SLC22A4: variants seen among roughly 807,000 people sequenced by gnomAD.
SLC22A4 encodes the protein solute carrier family 22 member 4.
Under a neutral mutation model 56.6 loss-of-function variants are expected in SLC22A4, and 39 were observed. The observed-to-expected ratio is 0.69, with a 90% CI of 0.53 to 0.90. The LOEUF (loss-of-function observed/expected upper bound fraction) is 0.90. SLC22A4 is among the 40% of genes least tolerant of loss of function. The pLI is 0.00. For synonymous variants in SLC22A4, 241 were observed against 281.4 expected (o/e 0.86, Z 1.44); for missense variants, 594 against 696.5 (o/e 0.85, Z 1.66).
chr5:132,308,625 T>A (rs1225008853), intron 1 of SLC22A4, among the ~76,000 whole-genome samples: 1 of 152,024 alleles, frequency 6.6e-6, no homozygotes, highest in East Asian at 1.9e-4. Context: ...CATCCTTCTA[T>A]GCCAAGAGTG....
chr5:132,320,405 G>A (rs953043273), intron 3 of SLC22A4, among the ~76,000 whole-genome samples: 7 of 152,180 alleles, frequency 4.6e-5, no homozygotes, highest in Non-Finnish European at 8.8e-5. Context: ...TCACGGCCAA[G>A]GGGTTTAGAA....
intron 4 of SLC22A4, among the ~76,000 whole-genome samples, chr5:132,322,589 C>T (rs1173342171): frequency 6.6e-6 from 1 of 152,198 alleles, no homozygotes; most frequent in South Asian, 2.1e-4. Context: ...TTCCTTGATA[C>T]CAGCCACTCC....
At chr5:132,306,392 T>A (rs1316513703) in intron 1 of SLC22A4, among the ~76,000 whole-genome samples, 2 of 8,698 alleles carry the variant, frequency 2.3e-4, no homozygotes, top group African/African-American at 1.4e-3. Flanking sequence ...GAAATATATA[T>A]ATATATATAT....
At chr5:132,333,623 T>C (rs1750928258) in intron 6 of SLC22A4, among the ~76,000 whole-genome samples, 1 of 152,190 alleles carries the variant, frequency 6.6e-6, no homozygotes, top group Non-Finnish European at 1.5e-5. Flanking sequence ...GAATTTGCCC[T>C]GCAGGGAGTG....
At chr5:132,323,579 C>T (rs765905180) in intron 4 of SLC22A4, among the ~76,000 whole-genome samples, 2 of 152,154 alleles carry the variant, frequency 1.3e-5, no homozygotes, top group African/African-American at 4.8e-5. Context: ...GTCTGAGGAC[C>T]GGGAAACCCG....
At chr5:132,316,233 T>C (rs1750352569) in intron 3 of SLC22A4, among the ~76,000 whole-genome samples, 1 of 152,192 alleles carries the variant, frequency 6.6e-6, no homozygotes, top group Non-Finnish European at 1.5e-5. Context: ...TGTTTTGTGC[T>C]GCTTTTAAAA....
chr5:132,294,644 T>C lies in SLC22A4; in HGVS notation c.28T>C (p.Phe10Leu), dbSNP rs756693505. The change falls in exon 1 of 10, where the codon TTC becomes CTC. Residue 10 changes from phenylalanine to leucine, a missense_variant. By Grantham distance (22) the Phe-to-Leu change is conservative. Coordinates refer to ENST00000200652, the MANE Select transcript of SLC22A4 (RefSeq NM_003059.3). The surrounding 1 kb of genome is among the most constrained non-coding windows in gnomAD (Gnocchi z 5.6). MRDYDEVIA[F>L]LGEWGPFQRL... ...GCGGGACTACGACGAGGTGATCGCCTTCCTGGGCGAGTGGGGGCCCTTCCA... is the reference window on the plus strand; with the variant it reads ...GCGGGACTACGACGAGGTGATCGCCCTCCTGGGCGAGTGGGGGCCCTTCCA... 6 of 1,614,182 alleles carry C rather than the reference T, an allele frequency of 3.7e-6. No individual in the cohort carries two copies. The highest frequency in any genetic ancestry group is 4.2e-6 in the Non-Finnish European group (5 of 1,180,042).
chr5:132,325,849 C>T (rs138767534), intron 4 of SLC22A4, among the ~76,000 whole-genome samples: 262 of 152,288 alleles, frequency 1.7e-3, no homozygotes, highest in African/African-American at 6.1e-3. Flanking sequence ...GGGCAGAAGA[C>T]GCTTTCCATA....
At chr5:132,318,158 A>G (rs1156489159) in intron 3 of SLC22A4, among the ~76,000 whole-genome samples, 2 of 152,218 alleles carry the variant, frequency 1.3e-5, no homozygotes, top group African/African-American at 4.8e-5. Context: ...GCAGGGGAAC[A>G]TCTGTTAAGC....
chr5:132,317,866 C>A (rs1214006927), intron 3 of SLC22A4, among the ~76,000 whole-genome samples: 1 of 152,198 alleles, frequency 6.6e-6, no homozygotes, highest in Admixed American at 6.5e-5. Flanking sequence ...GATGAGCTGG[C>A]ATATAAATAC....
At chr5:132,331,428 G>A (rs1750856823) in intron 5 of SLC22A4, among the ~76,000 whole-genome samples, 1 of 152,194 alleles carries the variant, frequency 6.6e-6, no homozygotes, top group African/African-American at 2.4e-5. Flanking sequence ...GCAGTCCTGA[G>A]GATCACAGAT....
chr5:132,301,455 G>C (rs781039736), intron 1 of SLC22A4, among the ~76,000 whole-genome samples: 1 of 152,236 alleles, frequency 6.6e-6, no homozygotes, highest in Non-Finnish European at 1.5e-5. Context: ...TGGAGCTGCT[G>C]GTAGCCCACT....
At chr5:132,306,652 C>T (rs879464624) in intron 1 of SLC22A4, among the ~76,000 whole-genome samples, 1 of 151,284 alleles carries the variant, frequency 6.6e-6, no homozygotes, top group Non-Finnish European at 1.5e-5. Context: ...CACCATGTTA[C>T]CCAGGCTGGT....
rs939172355 is a variant in SLC22A4 at position 132,331,739 on chromosome 5, C to T, written c.952-17C>T. ...TACCTCTTAATCTCATGGTTATTTG[C>T]ATTATTTTGGTTACAGGAGCTAAAT... On this transcript the variant is annotated splice_polypyrimidine_tract_variant and intron_variant, in intron 5 of 9. Coordinates refer to ENST00000200652, the MANE Select transcript of SLC22A4 (RefSeq NM_003059.3). 6.4e-7 allele frequency: 1 copy of T among 1,564,426 alleles called. No homozygotes were observed. The highest frequency in any genetic ancestry group is 1.1e-5 in the South Asian group (1 of 90,076).
chr5:132,336,630 T>C (rs1751034578), intron 8 of SLC22A4, among the ~76,000 whole-genome samples: 1 of 152,218 alleles, frequency 6.6e-6, no homozygotes, highest in South Asian at 2.1e-4. Context: ...TCCTTCCAAA[T>C]AGTTACATAT....
chr5:132,301,463 A>T (rs1749905370), intron 1 of SLC22A4, among the ~76,000 whole-genome samples: 1 of 152,200 alleles, frequency 6.6e-6, no homozygotes, highest in Non-Finnish European at 1.5e-5. Context: ...CTGGTAGCCC[A>T]CTGGTAGTGG....
intron 5 of SLC22A4, 104 bp from the exon 6 acceptor site, chr5:132,331,652 G>A (rs1750862106): frequency 1.1e-5 from 9 of 822,374 alleles, no homozygotes; most frequent in Non-Finnish European, 2.0e-5. Context: ...CATAGTCAAG[G>A]TGAAGTGAGA....
rs1751293378 is a variant in SLC22A4, at chr5:132,344,018, A to C, written c.*183A>C. On this transcript the variant is annotated 3_prime_UTR_variant, in exon 10 of 10. Coordinates refer to ENST00000200652, the MANE Select transcript of SLC22A4 (RefSeq NM_003059.3). ...CTTCCAGATAATGTCCTTGCTTTAC[A>C]AACCAACCATTTCTAGAGAGTCTCC... is the stretch of plus-strand genomic sequence containing the variant. The C allele has an allele frequency of 1.7e-6, 1 of 585,010 alleles. No individual in the cohort carries two copies. The highest frequency in any genetic ancestry group is 1.9e-5 in the African/African-American group (1 of 53,466). The allele number at this position is 585,010 out of a possible 1,614,324, so 36.2% of individuals were successfully genotyped here. A position where few individuals can be genotyped will look rare whatever the true frequency, so the allele number is the denominator to read the frequency against.
Position 132,340,619 on chromosome 5 carries a change from T to A in SLC22A4, c.1499T>A (p.Ile500Asn), listed in dbSNP as rs1324777201. 3.7e-6 allele frequency: 6 copies of A among 1,613,966 alleles called. No homozygotes were observed. In the South Asian group the frequency reaches 5.5e-5, roughly 15 times the overall value. ...YIVMGSLTVL[I>N]GILTLFFPES... ...GTCATGGGTAGTCTGACTGTCCTGA[T>A]TGGAATCCTCACCCTTTTTTTCCCT... The change falls in exon 9 of 10, where the codon ATT (isoleucine) becomes AAT (asparagine). Residue 500 changes from isoleucine to asparagine, a missense_variant. Transcript: ENST00000200652.
Sources: gnomAD v4.1 joint callset for allele counts (sites outside exome capture counted in the v4.1 genomes callset) on GRCh38, gnomAD v4.1.1 for gene constraint, Gnocchi (gnomAD v3.1) non-coding constraint, MANE v1.5 for transcripts, NCBI Gene and HGNC (gene_info 2026-07-23, HGNC 2026-07-21) for gene names.